The following IDI1 variants were observed in gnomAD, a reference collection of about 807,000 sequenced individuals.
IDI1 encodes isopentenyl-diphosphate delta isomerase 1.
Under a neutral mutation model 32.9 loss-of-function variants are expected in IDI1, and 23 were observed. The observed-to-expected ratio is 0.70, with a 90% CI of 0.50 to 0.99. The LOEUF (loss-of-function observed/expected upper bound fraction) is 0.99, where lower values mean the gene tolerates loss of function less well. Among genes scored for constraint, IDI1 ranks in the 50% least tolerant of loss-of-function variants. The pLI is 0.00. For missense variants in IDI1, 326 were observed against 351.9 expected, an observed-to-expected ratio of 0.93 and a Z score of 0.59; for synonymous variants, 133 against 128.2, an observed-to-expected ratio of 1.04 and a Z score of -0.25.
At chr10:1,050,457 G>A (rs1011045989), upstream of IDI1, among the ~76,000 whole-genome samples, 18 of 151,668 alleles carry the variant, frequency 1.2e-4, no homozygotes, top group Non-Finnish European at 4.4e-5. Flanking sequence ...TAAGGATTAA[G>A]TTCCTAAAGC....
At position 1,040,940 on chromosome 10, in the gene IDI1, T is replaced by G; in HGVS notation, c.*247A>C. The G allele has an allele frequency of 2.7e-6, 1 of 368,362 alleles. No homozygotes were observed. The highest frequency in any genetic ancestry group is 4.9e-6 in the Non-Finnish European group (1 of 205,884). The allele number at this position is 368,362 out of a possible 1,614,324, so 22.8% of individuals were successfully genotyped here. On this transcript the variant is annotated 3_prime_UTR_variant, in exon 5 of 5. Transcript: ENST00000381344. ...TTAAGTTTTATTTGCTCGCTCTCAT[T>G]TTACAATAATCTCTCACAAATGTCG...
Position 1,048,966 on chromosome 10 carries a change from C to T in IDI1, c.38G>A (p.Cys13Tyr), listed in dbSNP as rs7091756. The T allele has an allele frequency of 0.051, 78,848 of 1,549,770 alleles. 2,399 individuals are homozygous for T. Among genetic ancestry groups the T allele is most frequent in the Middle Eastern group, 0.12 (675 of 5,644 alleles). The change falls in exon 1 of 5, where the codon TGC (cysteine) becomes TAC (tyrosine). Residue 13 changes from cysteine (C) to tyrosine (Y), a missense_variant. By Grantham distance (194) the Cys-to-Tyr change is radical. Around this residue, in one of 2 missense-constraint regions of IDI1, gnomAD observed 121 missense variants for 78.4 expected, o/e 1.54. Transcript: ENST00000381344. ...CCACTGGCCCCGCCCCCGGGCCGCGCAGCCAATCGCTCGCGCCAGCGCCAG... is the reference window on the plus strand; with the variant it reads ...CCACTGGCCCCGCCCCCGGGCCGCGTAGCCAATCGCTCGCGCCAGCGCCAG... ...RGLALARAIG[C>Y]AARGRGQWAV...
upstream of IDI1, among the ~76,000 whole-genome samples, chr10:1,053,843 C>T (rs1448971956): frequency 6.6e-6 from 1 of 151,930 alleles, no homozygotes; most frequent in Non-Finnish European, 1.5e-5. Context: ...AATCCTCCTG[C>T]TTCAGTCTCC....
At chr10:1,049,124 G>A (rs1832906321), upstream of IDI1, 5 of 1,390,136 alleles carry the variant, frequency 3.6e-6, no homozygotes, top group Non-Finnish European at 4.6e-6. Flanking sequence ...AACCTGAGCC[G>A]TGACCGCGGG....
At chr10:1,044,938 T>C (rs982423983) in intron 1 of IDI1, among the ~76,000 whole-genome samples, 2 of 152,254 alleles carry the variant, frequency 1.3e-5, no homozygotes, top group Admixed American at 1.3e-4. Flanking sequence ...TCACAGGCAA[T>C]AGGTGAACTG....
chr10:1,054,944 T>C, the IDI1 span, among the ~76,000 whole-genome samples: 2 of 152,198 alleles, frequency 1.3e-5, no homozygotes, highest in Non-Finnish European at 2.9e-5. Context: ...GGCGGGGGCA[T>C]GCTGCCACAA....
upstream of IDI1, chr10:1,049,499 A>C (rs971554427): frequency 7.5e-6 from 1 of 132,484 alleles, no homozygotes; most frequent in African/African-American, 3.2e-5. Flanking sequence ...CGCCGCTGGG[A>C]CTACAGCGTT....
At chr10:1,049,846 T>C (rs1399891618), upstream of IDI1, among the ~76,000 whole-genome samples, 1 of 151,998 alleles carries the variant, frequency 6.6e-6, no homozygotes, top group Non-Finnish European at 1.5e-5. Context: ...TAGAGACGGG[T>C]TTCCGCATGT....
intron 4 of IDI1, 107 bp from the exon 5 acceptor site, chr10:1,041,611 T>C (rs12768746): frequency 0.43 from 244,949 of 567,912 alleles, 54,953 homozygotes; most frequent in East Asian, 0.58. Flanking sequence ...GCAGTATAGT[T>C]TTAGGATTAG....
intron 4 of IDI1, 124 bp downstream of exon 4, chr10:1,042,508 G>A (rs769099741): frequency 2.9e-5 from 25 of 867,856 alleles, no homozygotes; most frequent in Admixed American, 3.9e-5. Flanking sequence ...GGTTTGTGGG[G>A]CTAACTCATA....
chr10:1,043,931 G>T, intron 2 of IDI1, 68 bp downstream of exon 2: 1 of 1,319,908 alleles, frequency 7.6e-7, no homozygotes, highest in Non-Finnish European at 1.1e-6. Context: ...TGAACAGAGT[G>T]CTCTTCTCAG....
chr10:1,054,120 A>C, the IDI1 span, among the ~76,000 whole-genome samples: 1 of 152,230 alleles, frequency 6.6e-6, no homozygotes, highest in South Asian at 2.1e-4. Flanking sequence ...TAACGGAAAC[A>C]TTCCAAGAAT....
At chr10:1,050,639 A>G (rs952668689), upstream of IDI1, among the ~76,000 whole-genome samples, 5 of 152,384 alleles carry the variant, frequency 3.3e-5, no homozygotes, top group East Asian at 9.6e-4. Context: ...AGCCTGTTTC[A>G]GTAGCTCAGG....
intron 1 of IDI1, among the ~76,000 whole-genome samples, chr10:1,045,368 A>T (rs1135416): frequency 0.9 from 136,647 of 152,346 alleles, 61,440 homozygotes; most frequent in Non-Finnish European, 0.91. Context: ...CTGAATGAAT[A>T]ATAATTTTTG....
intron 4 of IDI1, 105 bp downstream of exon 4, chr10:1,042,527 G>A (rs1456236944): frequency 1.8e-6 from 2 of 1,093,776 alleles, no homozygotes; most frequent in East Asian, 2.6e-5. Context: ...TAACTCCGGA[G>A]GTTACCAAGC....
Position 1,049,078 on chromosome 10 carries a change from T to A in IDI1, c.-75A>T. Reference sequence around the variant, plus strand: ...GCTTCGCCTGGTGGTGCCACCTCCCTGGCCTGTGACAACGGCAGACGCGCG... The same window carrying A: ...GCTTCGCCTGGTGGTGCCACCTCCCAGGCCTGTGACAACGGCAGACGCGCG... On this transcript the variant is annotated 5_prime_UTR_variant, in exon 1 of 5. Transcript: ENST00000381344. The A allele has an allele frequency of 2.1e-6, 3 of 1,422,620 alleles. No individual in the cohort carries two copies. The highest frequency in any genetic ancestry group is 1.5e-5 in the African/African-American group (1 of 66,438). 88.1% of individuals were successfully genotyped at this position (1,422,620 alleles called of 1,614,324 possible).
At chr10:1,055,273 T>A in the IDI1 span, among the ~76,000 whole-genome samples, 1 of 152,224 alleles carries the variant, frequency 6.6e-6, no homozygotes, top group Admixed American at 6.5e-5. Context: ...CTTTGGGGAT[T>A]AAATTAGTTA....
At chr10:1,051,984 T>G (rs913786608), upstream of IDI1, among the ~76,000 whole-genome samples, 5 of 152,192 alleles carry the variant, frequency 3.3e-5, no homozygotes, top group Non-Finnish European at 7.3e-5. Flanking sequence ...GCAATTCTCC[T>G]ACCTCAGCCT....
upstream of IDI1, among the ~76,000 whole-genome samples, chr10:1,053,408 C>T (rs546069018): frequency 6.6e-6 from 1 of 152,338 alleles, no homozygotes; most frequent in African/African-American, 2.4e-5. Context: ...CTCTCTCAGC[C>T]TTCAGAAAAC....
Sources: gnomAD v4.1 joint callset for allele counts (sites outside exome capture counted in the v4.1 genomes callset) on GRCh38, gnomAD v4.1.1 for gene constraint, gnomAD v4.1.1 regional missense constraint, MANE v1.5 for transcripts, NCBI Gene and HGNC (gene_info 2026-07-23, HGNC 2026-07-21) for gene names.